Variants in RPS6KA6 observed in about 807,000 individuals in gnomAD.
RPS6KA6 encodes ribosomal protein S6 kinase A6.
In RPS6KA6, 27 loss-of-function variants were observed where a neutral mutation model predicts 65.4. That is an observed-to-expected ratio of 0.41 (90% CI 0.30 to 0.57). The LOEUF (loss-of-function observed/expected upper bound fraction) is 0.57, where lower values mean the gene tolerates loss of function less well. RPS6KA6 is among the 20% of genes least tolerant of loss of function. The pLI is 0.24. For missense variants in RPS6KA6, 486 were observed against 555.6 expected, an observed-to-expected ratio of 0.87 and a Z score of 1.26; for synonymous variants, 190 against 184.2, an observed-to-expected ratio of 1.03 and a Z score of -0.26.
At chrX:84,167,574 T>G (rs2035617771) in intron 1 of RPS6KA6, among the ~76,000 whole-genome samples, 1 of 111,762 alleles carries the variant, frequency 8.9e-6, no homozygotes, top group Admixed American at 9.5e-5. Context: ...TAAAAAAGAA[T>G]AATATACTGA....
Position 84,146,967 on chromosome X carries a change from AG to A in RPS6KA6, c.421+10del. The A allele has an allele frequency of 2.0e-6, 2 of 989,444 alleles. No homozygotes were observed. Among genetic ancestry groups the A allele is most frequent in the African/African-American group, 1.9e-5 (1 of 51,789 alleles). The allele number at this position is 989,444 out of a possible 1,213,427, so 81.5% of individuals were successfully genotyped here. The stretch of plus-strand genomic sequence containing the variant: ...TTAAAATAAATAAAAGAATAAAAAA[AG>A]ATTACATACCATAGTGCAATTTGAC... On this transcript the variant is annotated intron_variant, in intron 5 of 21. Coordinates refer to ENST00000262752, the MANE Select transcript of RPS6KA6 (RefSeq NM_014496.5).
chrX:84,174,611 T>C (rs1252842182), intron 1 of RPS6KA6, among the ~76,000 whole-genome samples: 1 of 112,034 alleles, frequency 8.9e-6, no homozygotes, highest in African/African-American at 3.2e-5. Context: ...ATATGAATGA[T>C]CTTTGGAGTA....
In RPS6KA6 at chrX:84,061,574, G is replaced by T. The variant is rs1371191857; in HGVS notation, c.*2703C>A. On this transcript the variant is annotated 3_prime_UTR_variant, in exon 22 of 22. Transcript: ENST00000262752. ...CTGCATTCGAATTTTCTTGAAAATT[G>T]TTTCCTGAGTTTATTCATGGTAGTA... 9.0e-6 allele frequency: 1 copy of T among 111,290 alleles called. No individual in the cohort carries two copies. Among genetic ancestry groups the T allele is most frequent in the African/African-American group, 3.3e-5 (1 of 30,680 alleles). The allele number at this position is 111,290 out of a possible 1,213,427, so 9.2% of individuals were successfully genotyped here.
At chrX:84,103,594 T>C (rs1464456065) in intron 17 of RPS6KA6, among the ~76,000 whole-genome samples, 1 of 111,159 alleles carries the variant, frequency 9.0e-6, no homozygotes, top group Non-Finnish European at 1.9e-5. Context: ...ATTTAGTTAA[T>C]TGAAGTAAGA....
chrX:84,091,669 G>A (rs2034046675), intron 20 of RPS6KA6, among the ~76,000 whole-genome samples: 1 of 111,662 alleles, frequency 9.0e-6, no homozygotes, highest in Non-Finnish European at 1.9e-5. Flanking sequence ...AATACCATTT[G>A]ACCCAGCAAT....
chrX:84,094,667 T>G (rs758262827), intron 20 of RPS6KA6, among the ~76,000 whole-genome samples: 2 of 109,003 alleles, frequency 1.8e-5, no homozygotes, highest in South Asian at 7.8e-4. Context: ...AATAAATAAA[T>G]AAATAAATAC....
intron 20 of RPS6KA6, among the ~76,000 whole-genome samples, chrX:84,081,263 C>A (rs1247795344): frequency 1.8e-5 from 2 of 110,573 alleles, no homozygotes; most frequent in African/African-American, 6.6e-5. Flanking sequence ...CAAATAGACA[C>A]AATAAAAAAT....
chrX:84,146,899 A>C (rs1265024607), intron 5 of RPS6KA6, 79 bp downstream of exon 5: 2 of 531,536 alleles, frequency 3.8e-6, no homozygotes, highest in African/African-American at 4.8e-5. Context: ...GTATTGTGTG[A>C]AAGGAAATCA....
At chrX:84,110,990 A>AC (rs2034458605) in intron 12 of RPS6KA6, among the ~76,000 whole-genome samples, 1 of 102,530 alleles carries the variant, frequency 9.8e-6, no homozygotes, top group Admixed American at 1.2e-4. Context: ...AAAGATAAAT[A>AC]AATATATATA....
chrX:84,086,617 C>A (rs1312097553), intron 20 of RPS6KA6, among the ~76,000 whole-genome samples: 2 of 110,875 alleles, frequency 1.8e-5, no homozygotes, highest in African/African-American at 6.6e-5. Flanking sequence ...TGCCGCCTAG[C>A]AATGAGAAGA....
intron 12 of RPS6KA6, among the ~76,000 whole-genome samples, chrX:84,114,914 G>A (rs746146293): frequency 5.4e-5 from 6 of 111,556 alleles, no homozygotes; most frequent in Non-Finnish European, 9.4e-5. Context: ...ACATGAAGAA[G>A]AATAAAACTG....
chrX:84,160,558 A>T (rs758561198), intron 2 of RPS6KA6, among the ~76,000 whole-genome samples: 1 of 111,882 alleles, frequency 8.9e-6, no homozygotes, highest in African/African-American at 3.2e-5. Context: ...AAACAAAAGA[A>T]GTATTTTTAA....
intron 12 of RPS6KA6, among the ~76,000 whole-genome samples, chrX:84,114,267 C>T (rs1349195240): frequency 1.8e-5 from 2 of 110,834 alleles, no homozygotes; most frequent in East Asian, 2.8e-4. Context: ...GCAGGAGAAT[C>T]GCTTGAACCC....
At chrX:84,136,980 C>A (rs2035001980) in intron 6 of RPS6KA6, among the ~76,000 whole-genome samples, 1 of 111,841 alleles carries the variant, frequency 8.9e-6, no homozygotes, top group Non-Finnish European at 1.9e-5. Flanking sequence ...TGCTGTGATG[C>A]AATGTTTGCT....
chrX:84,114,515 C>CA (rs958025073), intron 12 of RPS6KA6, among the ~76,000 whole-genome samples: 55 of 108,200 alleles, frequency 5.1e-4, no homozygotes, highest in East Asian at 1.4e-3. Flanking sequence ...AAAACAACAA[C>CA]AAAAAAAAAC....
chrX:84,119,613 A>G (rs1365873158), intron 9 of RPS6KA6, among the ~76,000 whole-genome samples: 2 of 111,666 alleles, frequency 1.8e-5, no homozygotes, highest in Admixed American at 1.9e-4. Context: ...GAAATATAGA[A>G]TCTGACAGAC....
chrX:84,064,564 G>A (rs1278507052), intron 21 of RPS6KA6, among the ~76,000 whole-genome samples, 162 bp from the exon 22 acceptor site: 1 of 111,463 alleles, frequency 9.0e-6, no homozygotes, highest in Non-Finnish European at 1.9e-5. Flanking sequence ...AATATTACTT[G>A]TATGTTTTTC....
At chrX:84,079,270 G>A (rs1182510583) in intron 20 of RPS6KA6, among the ~76,000 whole-genome samples, 4 of 110,806 alleles carry the variant, frequency 3.6e-5, no homozygotes, top group Non-Finnish European at 7.6e-5. Flanking sequence ...CATAAGAAAC[G>A]ATGCATTCCA....
intron 20 of RPS6KA6, among the ~76,000 whole-genome samples, chrX:84,089,054 A>G (rs971988301): frequency 1.8e-5 from 2 of 109,820 alleles, no homozygotes; most frequent in East Asian, 6.1e-4. Flanking sequence ...CTAGGGAAAC[A>G]TCAAATTTCT....
Sources: gnomAD v4.1 joint callset for allele counts (sites outside exome capture counted in the v4.1 genomes callset) on GRCh38, gnomAD v4.1.1 for gene constraint, MANE v1.5 for transcripts, NCBI Gene and HGNC (gene_info 2026-07-23, HGNC 2026-07-21) for gene names.